Variants in SLC37A1 observed in about 807,000 individuals in gnomAD.
SLC37A1 encodes the protein glucose-6-phosphate exchanger SLC37A1.
A neutral mutation model predicts 75.3 loss-of-function variants in SLC37A1; 49 were observed. That is an observed-to-expected ratio of 0.65 (90% CI 0.52 to 0.83). The LOEUF (loss-of-function observed/expected upper bound fraction) is 0.83, where lower values mean the gene tolerates loss of function less well. Ranked by LOEUF, SLC37A1 falls within the 40% of genes least tolerant of loss-of-function variation. The probability of loss-of-function intolerance (pLI) is 0.00; values close to 1 mark genes in which losing one functional copy is unlikely to be tolerated. For synonymous variants in SLC37A1, 268 were observed against 292.1 expected, an observed-to-expected ratio of 0.92 and a Z score of 0.84; for missense variants, 566 against 695.0, an observed-to-expected ratio of 0.81 and a Z score of 2.09.
Position 42,530,654 on chromosome 21 carries a change from A to ACAC in SLC37A1, c.139-4043_139-4042insACC, listed in dbSNP as rs1161313598. On this transcript the variant is annotated intron_variant, in intron 3 of 19. Coordinates refer to ENST00000352133, the MANE Select transcript of SLC37A1 (RefSeq NM_001320537.2). ...CACACACACACACACACACACACAC[A>ACAC]CCCCCTCTGTGTTGGCTGAAGGTGG... 3.0e-3 allele frequency among the ~76,000 whole-genome samples: 106 copies of ACAC among 35,892 alleles called. 5 individuals are homozygous for ACAC. Among genetic ancestry groups the ACAC allele is most frequent in the South Asian group, 8.5e-3 (11 of 1,300 alleles). 23.5% of individuals were successfully genotyped at this position (35,892 alleles called of 152,430 possible). A position where few individuals can be genotyped will look rare whatever the true frequency, so the allele number is the denominator to read the frequency against.
chr21:42,507,270 T>A (rs531080032), intron 2 of SLC37A1, among the ~76,000 whole-genome samples: 1 of 144,020 alleles, frequency 6.9e-6, no homozygotes, highest in South Asian at 2.2e-4. Context: ...GTCTTAACCA[T>A]AAGAGTTAAA....
intron 12 of SLC37A1, among the ~76,000 whole-genome samples, chr21:42,562,778 G>GTTC (rs201847578): frequency 6.6e-6 from 1 of 151,720 alleles, no homozygotes; most frequent in Non-Finnish European, 1.5e-5. Context: ...TGGCTGAGAG[G>GTTC]AAGCGGGGAT....
At chr21:42,533,245 TG>T (rs1200327471) in intron 3 of SLC37A1, among the ~76,000 whole-genome samples, 8 of 152,158 alleles carry the variant, frequency 5.3e-5, no homozygotes, top group African/African-American at 1.7e-4. Context: ...GACACCCCTC[TG>T]GTATCACGGG....
At chr21:42,571,152 A>T (rs1165654851) in intron 17 of SLC37A1, among the ~76,000 whole-genome samples, 1 of 152,152 alleles carries the variant, frequency 6.6e-6, no homozygotes, top group East Asian at 1.9e-4. Context: ...GCTGCCCAGC[A>T]AGACAAAGTA....
intron 3 of SLC37A1, among the ~76,000 whole-genome samples, chr21:42,533,574 C>T (rs1273653496): frequency 6.6e-6 from 1 of 151,860 alleles, no homozygotes. Flanking sequence ...GGCCCCTCTG[C>T]CTCCCAACGA....
rs1427788270 is a variant in SLC37A1, at chr21:42,545,075, T to G, written c.730+1473T>G. Reference sequence around the variant, plus strand: ...GGCCCTATGTTGATGTTTGTCTCTGTAAGCAGAGAGAGCTCAGCTCTTGTG... The same window carrying G: ...GGCCCTATGTTGATGTTTGTCTCTGGAAGCAGAGAGAGCTCAGCTCTTGTG... On this transcript the variant is annotated intron_variant, in intron 8 of 19. Transcript: ENST00000352133. The surrounding 1 kb of genome is among the most constrained non-coding windows in gnomAD (Gnocchi z 4.0). Among the ~76,000 whole-genome samples, 2 of 152,190 alleles carry G rather than the reference T, an allele frequency of 1.3e-5. No individual in the cohort carries two copies. Among genetic ancestry groups the G allele is most frequent in the Non-Finnish European group, 2.9e-5 (2 of 68,036 alleles).
chr21:42,543,291 T>C (rs228074), intron 7 of SLC37A1, 145 bp from the exon 8 acceptor site: 526,894 of 911,022 alleles, frequency 0.58, 156,990 homozygotes, highest in Admixed American at 0.74. Flanking sequence ...TCGCGAGTCC[T>C]GCATGGCACA....
chr21:42,522,472 G>A (rs947594752), intron 2 of SLC37A1, among the ~76,000 whole-genome samples: 1 of 152,172 alleles, frequency 6.6e-6, no homozygotes, highest in Non-Finnish European at 1.5e-5. Context: ...GCAGCGGCCC[G>A]AGTGTGGCTG....
At chr21:42,546,524 G>A (rs1365433319) in intron 8 of SLC37A1, among the ~76,000 whole-genome samples, 4 of 152,148 alleles carry the variant, frequency 2.6e-5, no homozygotes, top group African/African-American at 7.2e-5. Context: ...CACAGCGTCC[G>A]CATGCTCTGC....
rs1568983575 is a variant in SLC37A1 at position 42,518,396 on chromosome 21, G to A, written c.-59G>A. The A allele has an allele frequency of 2.5e-6, 4 of 1,605,026 alleles. No individual in the cohort carries two copies. Among genetic ancestry groups the A allele is most frequent in the Non-Finnish European group, 3.4e-6 (4 of 1,172,190 alleles). ...GAGAGGATCTGGAGCCAGGATTAAT[G>A]ACTCATTTATGAAGCATCTTATTCT... On this transcript the variant is annotated 5_prime_UTR_variant, in exon 2 of 20. An upstream start codon of the reference 5' UTR is lost. Transcript: ENST00000352133.
intron 5 of SLC37A1, 141 bp from the exon 6 acceptor site, chr21:42,539,371 A>G: frequency 1.9e-6 from 2 of 1,036,878 alleles, no homozygotes; most frequent in Admixed American, 2.6e-5. Context: ...AGTGTATGAA[A>G]TCTTCCTGGA....
At position 42,547,320 on chromosome 21, in the gene SLC37A1, A is replaced by C; in HGVS notation, c.768+180A>C. On this transcript the variant is annotated intron_variant, in intron 9 of 19. Coordinates refer to ENST00000352133, the MANE Select transcript of SLC37A1 (RefSeq NM_001320537.2). The surrounding 1 kb of genome is among the most constrained non-coding windows in gnomAD (Gnocchi z 6.1). ...TCTGTTTTGGGTTTCGCTGATAATA[A>C]CCTTATCAGCAAAACCCAGACAAGA... 3.1e-6 allele frequency: 2 copies of C among 644,462 alleles called. No individual in the cohort carries two copies. The highest frequency in any genetic ancestry group is 5.4e-6 in the Non-Finnish European group (2 of 368,634). The allele number at this position is 644,462 out of a possible 1,614,324, so 39.9% of individuals were successfully genotyped here.
intron 1 of SLC37A1, among the ~76,000 whole-genome samples, chr21:42,516,444 C>G (rs553026082): frequency 3.5e-4 from 54 of 152,300 alleles, no homozygotes; most frequent in African/African-American, 1.2e-3. Context: ...AGTCATGGTT[C>G]GTGCTTCCAG....
chr21:42,565,339 C>T (rs776203438), intron 14 of SLC37A1, among the ~76,000 whole-genome samples: 1 of 152,384 alleles, frequency 6.6e-6, no homozygotes, highest in Non-Finnish European at 1.5e-5. Flanking sequence ...TGTAGCTCTG[C>T]GCGTCTGCCC....
At position 42,543,425 on chromosome 21, in the gene SLC37A1, T is replaced by C. The variant is rs2055331052; in HGVS notation, c.564-11T>C. 1 of 1,614,198 alleles carries C rather than the reference T, an allele frequency of 6.2e-7. No homozygotes were observed. On this transcript the variant is annotated splice_polypyrimidine_tract_variant and intron_variant, in intron 7 of 19. Transcript: ENST00000352133. ...GCTCCATCTTCTGTCTTCTGTTTTG[T>C]TGTGCTGCAGGAGAGGTTTGATTAT...
intron 18 of SLC37A1, among the ~76,000 whole-genome samples, chr21:42,579,528 T>TGCCCTCATCAGACAGCCCTGCCCA (rs2056372700): frequency 6.4e-5 from 9 of 140,978 alleles, no homozygotes; most frequent in East Asian, 2.0e-4. Context: ...AGCCCTGCCC[T>TGCCCTCATCAGACAGCCCTGCCCA]CATCAGACAG....
Position 42,573,286 on chromosome 21 carries a change from T to C in SLC37A1, c.1424-1532T>C, listed in dbSNP as rs191481251. ...TGATAAAAGACTCAACCCATGCACCTTTTTTCTCTTGCTGACCCCCTTCCG... is the reference window on the plus strand; with the variant it reads ...TGATAAAAGACTCAACCCATGCACCCTTTTTCTCTTGCTGACCCCCTTCCG... On this transcript the variant is annotated intron_variant, in intron 17 of 19. Transcript: ENST00000352133. 4.7e-3 allele frequency among the ~76,000 whole-genome samples: 720 copies of C among 152,198 alleles called. 2 individuals carry two copies. The highest frequency in any genetic ancestry group is 8.0e-3 in the Non-Finnish European group (546 of 68,006).
intron 1 of SLC37A1, among the ~76,000 whole-genome samples, chr21:42,515,797 C>T (rs776815187): frequency 7.9e-5 from 12 of 152,208 alleles, no homozygotes; most frequent in African/African-American, 2.2e-4. Flanking sequence ...CTCGCTCTGT[C>T]GCCCAGGCTG....
rs190759568 is a variant in SLC37A1, at chr21:42,506,885, C to T, written c.-179+4468C>T. On this transcript the variant is annotated intron_variant, in intron 2 of 20. Transcript: ENST00000398341. ...AAAGAATATCATATTCAATAAGTTG[C>T]TTTTTTTTTCTTTTTGAGACAGACT... 1.3e-4 allele frequency among the ~76,000 whole-genome samples: 19 copies of T among 151,446 alleles called. 4 individuals carry two copies. Among genetic ancestry groups the T allele is most frequent in the East Asian group, 1.9e-4 (1 of 5,154 alleles).
Sources: gnomAD v4.1 joint callset for allele counts (sites outside exome capture counted in the v4.1 genomes callset) on GRCh38, gnomAD v4.1.1 for gene constraint, Gnocchi (gnomAD v3.1) non-coding constraint, MANE v1.5 for transcripts, NCBI Gene and HGNC (gene_info 2026-07-23, HGNC 2026-07-21) for gene names.